NDST4: variants seen among roughly 807,000 people sequenced by gnomAD.
The protein encoded by NDST4 is N-deacetylase and N-sulfotransferase 4.
A neutral mutation model predicts 100.8 loss-of-function variants in NDST4; 63 were observed. The observed-to-expected ratio is 0.62, with a 90% CI of 0.51 to 0.77. The LOEUF is 0.77. Ranked by LOEUF, NDST4 falls within the 30% of genes least tolerant of loss-of-function variation. NDST4 has a pLI of 0.00. For missense variants in NDST4, 943 were observed against 1,018.4 expected (o/e 0.93, Z 1.01); for synonymous variants, 377 against 361.8 (o/e 1.04, Z -0.48).
chr4:114,982,624 G>T (rs1223858561), intron 2 of NDST4, among the ~76,000 whole-genome samples: 1 of 152,112 alleles, frequency 6.6e-6, no homozygotes, highest in African/African-American at 2.4e-5. Flanking sequence ...ATAAAAGTTG[G>T]AAAAAATTGC....
chr4:114,948,852 C>T (rs1725927321), intron 4 of NDST4, among the ~76,000 whole-genome samples: 1 of 151,926 alleles, frequency 6.6e-6, no homozygotes, highest in African/African-American at 2.4e-5. Flanking sequence ...GTATAAAGGA[C>T]ACCATCATAC....
intron 6 of NDST4, among the ~76,000 whole-genome samples, chr4:114,919,620 G>C (rs763180254): frequency 6.6e-6 from 1 of 152,192 alleles, no homozygotes; most frequent in African/African-American, 2.4e-5. Context: ...TAAATGCAGA[G>C]AGGGCGGCAG....
At chr4:115,095,768 C>T (rs919777441) in intron 1 of NDST4, among the ~76,000 whole-genome samples, 1 of 152,066 alleles carries the variant, frequency 6.6e-6, no homozygotes, top group Non-Finnish European at 1.5e-5. Flanking sequence ...TTTTATGCAT[C>T]CTCTTAAATG....
chr4:115,080,734 G>C (rs1729285046), intron 1 of NDST4, among the ~76,000 whole-genome samples: 1 of 151,596 alleles, frequency 6.6e-6, no homozygotes, highest in Non-Finnish European at 1.5e-5. Flanking sequence ...AAGATATTTG[G>C]AACTTGTCGA....
intron 7 of NDST4, among the ~76,000 whole-genome samples, chr4:114,867,693 A>G (rs1249269631): frequency 6.6e-6 from 1 of 150,856 alleles, no homozygotes; most frequent in African/African-American, 2.4e-5. Context: ...GAAAGAAAAG[A>G]AACCCTATTC....
At chr4:114,852,267 A>T (rs1451575195) in intron 8 of NDST4, among the ~76,000 whole-genome samples, 2 of 152,212 alleles carry the variant, frequency 1.3e-5, no homozygotes, top group Non-Finnish European at 1.5e-5. Flanking sequence ...AAGGAATCAC[A>T]TATGTAAAAT....
intron 1 of NDST4, among the ~76,000 whole-genome samples, chr4:115,108,308 A>G (rs918343967): frequency 6.6e-6 from 1 of 152,054 alleles, no homozygotes; most frequent in Non-Finnish European, 1.5e-5. Context: ...CATCAAGAAG[A>G]AGAAGAACTC....
chr4:115,052,523 ATTGT>A (rs1728604514), intron 2 of NDST4, among the ~76,000 whole-genome samples: 1 of 151,918 alleles, frequency 6.6e-6, no homozygotes, highest in African/African-American at 2.4e-5. Flanking sequence ...TCTTCCCCAT[ATTGT>A]TCTCCTGACA....
intron 2 of NDST4, among the ~76,000 whole-genome samples, chr4:114,980,088 C>A (rs1726733336): frequency 6.6e-6 from 1 of 151,596 alleles, no homozygotes; most frequent in African/African-American, 2.4e-5. Flanking sequence ...GAAAGAATTC[C>A]AATATAGGAA....
intron 4 of NDST4, among the ~76,000 whole-genome samples, chr4:114,969,271 G>A (rs1427154997): frequency 1.5e-5 from 2 of 130,204 alleles, no homozygotes; most frequent in African/African-American, 3.0e-5. Context: ...CCGAGATCCC[G>A]CCACTGCACT....
chr4:114,863,444 A>T (rs752873033), intron 7 of NDST4, among the ~76,000 whole-genome samples: 1 of 152,242 alleles, frequency 6.6e-6, no homozygotes, highest in Non-Finnish European at 1.5e-5. Context: ...TATGAAGGGT[A>T]AAGGATCTTC....
intron 11 of NDST4, among the ~76,000 whole-genome samples, chr4:114,834,111 A>C (rs1316276680): frequency 1.3e-5 from 2 of 152,222 alleles, no homozygotes; most frequent in Non-Finnish European, 1.5e-5. Context: ...ATCCAAATGA[A>C]AATCACCCAT....
intron 10 of NDST4, among the ~76,000 whole-genome samples, chr4:114,845,385 C>T (rs1017463614): frequency 2.6e-5 from 4 of 151,972 alleles, no homozygotes; most frequent in Non-Finnish European, 4.4e-5. Flanking sequence ...TTTGTGTGTG[C>T]GATTGTTTAG....
intron 6 of NDST4, among the ~76,000 whole-genome samples, chr4:114,900,549 A>G (rs548608317): frequency 1.3e-5 from 2 of 152,266 alleles, no homozygotes; most frequent in African/African-American, 4.8e-5. Context: ...GCTTAGATAC[A>G]CAAATACCAA....
chr4:114,839,327 T>C, intron 11 of NDST4, 51 bp downstream of exon 11: 2 of 1,495,000 alleles, frequency 1.3e-6, no homozygotes, highest in Non-Finnish European at 1.8e-6. Context: ...AATATAAAAT[T>C]TCAGGACATT....
At chr4:114,928,048 A>C (rs1725421056) in intron 6 of NDST4, among the ~76,000 whole-genome samples, 1 of 152,206 alleles carries the variant, frequency 6.6e-6, no homozygotes, top group South Asian at 2.1e-4. Flanking sequence ...CTTCCCTTTA[A>C]AAGTCAGCTC....
rs577487259 is a variant in NDST4, at chr4:115,057,321, A to G, written c.978+18738T>C. Reference sequence around the variant, plus strand: ...GGCATTCTAGTATAAACATTAAGCAACTGGGAGGAGGAAGGAGAAACAGAG... The same window carrying G: ...GGCATTCTAGTATAAACATTAAGCAGCTGGGAGGAGGAAGGAGAAACAGAG... On this transcript the variant is annotated intron_variant, in intron 2 of 13. Coordinates refer to ENST00000264363, the MANE Select transcript of NDST4 (RefSeq NM_022569.3). Among the ~76,000 whole-genome samples the G allele has an allele frequency of 3.3e-5, 5 of 151,558 alleles. No homozygotes were observed. The East Asian group carries it at 7.9e-4, about 24-fold the overall frequency.
chr4:114,865,553 T>C (rs551813036), intron 7 of NDST4, among the ~76,000 whole-genome samples: 2 of 152,362 alleles, frequency 1.3e-5, no homozygotes, highest in South Asian at 4.1e-4. Flanking sequence ...ACTTATCAAA[T>C]GTTTCTGTAA....
intron 1 of NDST4, among the ~76,000 whole-genome samples, chr4:115,108,948 G>C (rs1729885676): frequency 6.6e-6 from 1 of 151,344 alleles, no homozygotes; most frequent in Non-Finnish European, 1.5e-5. Flanking sequence ...GGAAATAAAG[G>C]AAGGAGGGAA....
Sources: gnomAD v4.1 joint callset for allele counts (sites outside exome capture counted in the v4.1 genomes callset) on GRCh38, gnomAD v4.1.1 for gene constraint, MANE v1.5 for transcripts, NCBI Gene and HGNC (gene_info 2026-07-23, HGNC 2026-07-21) for gene names.